Variants in KMT2B observed in about 807,000 individuals in gnomAD.
KMT2B encodes the protein histone-lysine N-methyltransferase 2B.
A neutral mutation model predicts 255.3 loss-of-function variants in KMT2B; 22 were observed. The observed-to-expected ratio is 0.09, with a 90% CI of 0.06 to 0.12. The LOEUF (loss-of-function observed/expected upper bound fraction) is 0.12, where lower values mean the gene tolerates loss of function less well. KMT2B is among the 10% of genes least tolerant of loss of function. KMT2B has a pLI of 1.00. For synonymous variants in KMT2B, 1,730 were observed against 1,498.1 expected (o/e 1.15, Z -3.57); for missense variants, 3,149 against 3,737.0 (o/e 0.84, Z 4.10).
chr19:35,719,691 C>A, intron 2 of KMT2B, 93 bp from the exon 3 acceptor site: 2 of 1,527,344 alleles, frequency 1.3e-6, no homozygotes, highest in Non-Finnish European at 1.8e-6. Context: ...GGGGGAAACA[C>A]ACAAGCAAGA....
chr19:35,734,594 T>G (rs1022396201), intron 30 of KMT2B, among the ~76,000 whole-genome samples: 7 of 152,144 alleles, frequency 4.6e-5, no homozygotes, highest in Non-Finnish European at 7.4e-5. Flanking sequence ...GGTTTTGAAC[T>G]GGTGACCTCT....
Position 35,721,645 on chromosome 19 carries a change from A to G in KMT2B, c.2298A>G (p.Pro766=). 2 of 1,613,492 alleles carry G rather than the reference A, an allele frequency of 1.2e-6. No homozygotes were observed. The highest frequency in any genetic ancestry group is 1.7e-6 in the Non-Finnish European group (2 of 1,179,700). The part of the protein sequence containing the change: ...PQPQLQPPPS[P]QQMPPLEKAR... ...CACAGCTGCAGCCACCGCCGTCACCACAGCAGATGCCTCCCCTGGAAAAAG... is the reference window on the plus strand; with the variant it reads ...CACAGCTGCAGCCACCGCCGTCACCGCAGCAGATGCCTCCCCTGGAAAAAG... Residue 766 remains proline (P), a synonymous_variant, in exon 3 of 37, where the codon CCA becomes CCG. Coordinates refer to ENST00000420124, the MANE Select transcript of KMT2B (RefSeq NM_014727.3).
chr19:35,730,199 C>G, intron 23 of KMT2B, 74 bp downstream of exon 23: 1 of 1,602,954 alleles, frequency 6.2e-7, no homozygotes, highest in Non-Finnish European at 8.5e-7. Flanking sequence ...CCCGTGGCCC[C>G]CAGGCCTGGC....
rs1166708225 is a variant in KMT2B, at chr19:35,728,871, C to G, written c.4669C>G (p.Pro1557Ala). 4 of 1,613,884 alleles carry G rather than the reference C, an allele frequency of 2.5e-6. No homozygotes were observed. ...EPETPESGQP[P>A]GDPSAAFQGK... Reference sequence around the variant, plus strand: ...AGAGACCCCAGAATCAGGGCAGCCTCCAGGGGATCCCTCAGCAGGTACTGG... The same window carrying G: ...AGAGACCCCAGAATCAGGGCAGCCTGCAGGGGATCCCTCAGCAGGTACTGG... The change falls in exon 20 of 37, where the codon CCA (proline) becomes GCA (alanine). Residue 1557 changes from proline to alanine, a missense_variant. Physicochemically the swap from Pro to Ala is conservative, Grantham distance 27. Around this residue, in one of 18 missense-constraint regions of KMT2B, gnomAD observed 377 missense variants for 471.0 expected, o/e 0.80. Transcript: ENST00000420124.
Position 35,721,559 on chromosome 19 carries a change from C to T in KMT2B, c.2212C>T (p.Leu738=), listed in dbSNP as rs1969210185. The T allele has an allele frequency of 1.2e-6, 2 of 1,611,618 alleles. No individual in the cohort carries two copies. Among genetic ancestry groups the T allele is most frequent in the East Asian group, 4.5e-5 (2 of 44,862 alleles). ...CGGGCCACAGACACAGGCTCAGCTA[C>T]TGCAGCCCCTGCAGGCCTTGCAAAC... ...SNGPQTQAQL[L]QPLQALQTQL... is the part of the protein sequence containing the mutation. The change falls in exon 3 of 37, where the codon CTG becomes TTG. Residue 738 remains leucine (L), a synonymous_variant. Coordinates refer to ENST00000420124, the MANE Select transcript of KMT2B (RefSeq NM_014727.3).
chr19:35,718,636 C>T lies in KMT2B; in HGVS notation c.363+255C>T, dbSNP rs1041646521. On this transcript the variant is annotated intron_variant, in intron 1 of 36. Coordinates refer to ENST00000420124, the MANE Select transcript of KMT2B (RefSeq NM_014727.3). This position sits in a 1 kb window ranked among gnomAD's most constrained non-coding sequence, Gnocchi z 5.0. ...TGAAGTGTCTTGGGCCGATCCTTTT[C>T]GGCAGCTGGCAAAGCTAGGGCGGTG... Among the ~76,000 whole-genome samples the T allele has an allele frequency of 1.1e-4, 16 of 152,174 alleles. No homozygotes were observed. The highest frequency in any genetic ancestry group is 3.9e-4 in the Admixed American group (6 of 15,284).
Position 35,727,169 on chromosome 19 carries a change from G to T in KMT2B, c.4017G>T (p.Pro1339=). The change falls in exon 15 of 37, where the codon CCG becomes CCT. Residue 1339 remains proline, a synonymous_variant. Coordinates refer to ENST00000420124, the MANE Select transcript of KMT2B (RefSeq NM_014727.3). The surrounding 1 kb of genome is among the most constrained non-coding windows in gnomAD (Gnocchi z 4.2). ...CCCTTTCTCTAGGAAACTACTGCCC[G>T]ATCTGTACACGCTGCTATGAAGACA... ...TQLYEKGNYC[P]ICTRCYEDND... 1 of 1,612,064 alleles carries T rather than the reference G, an allele frequency of 6.2e-7. No individual in the cohort carries two copies. Among genetic ancestry groups the T allele is most frequent in the African/African-American group, 1.3e-5 (1 of 74,940 alleles).
chr19:35,728,208 G>A (rs1282474656), intron 19 of KMT2B, 37 bp downstream of exon 19: 2 of 1,546,948 alleles, frequency 1.3e-6, no homozygotes, highest in Non-Finnish European at 1.8e-6. Flanking sequence ...AAGCCGGGGA[G>A]TGAGGGCAAG....
At chr19:35,731,806 A>T in intron 26 of KMT2B, 102 bp from the exon 27 acceptor site, 1 of 894,862 alleles carries the variant, frequency 1.1e-6, no homozygotes, top group Non-Finnish European at 1.8e-6. Context: ...TGACTGGGTC[A>T]GGGTCGGGGA....
rs775819410 is a variant in KMT2B, at chr19:35,719,572, C to T, written c.436+31C>T. 4 of 1,567,024 alleles carry T rather than the reference C, an allele frequency of 2.6e-6. No individual in the cohort carries two copies. The South Asian group carries it at 3.5e-5, about 14-fold the overall frequency. ...TGACGGGGGAACTCCACCTCTTTAG[C>T]GTCACAGGAATTTATCCTCGCCCTT... On this transcript the variant is annotated intron_variant, in intron 2 of 36. Coordinates refer to ENST00000420124, the MANE Select transcript of KMT2B (RefSeq NM_014727.3).
Position 35,721,608 on chromosome 19 carries a change from C to T in KMT2B, c.2261C>T (p.Pro754Leu), listed in dbSNP as rs179686. The T allele has an allele frequency of 6.0e-4, 971 of 1,612,284 alleles. 5 individuals are homozygous for T. The African/African-American group carries it at 0.01, about 17-fold the overall frequency. Residue 754 changes from proline to leucine, a missense_variant, in exon 3 of 37, where the codon CCG becomes CTG. By Grantham distance (98) the Pro-to-Leu change is moderately conservative. Coordinates refer to ENST00000420124, the MANE Select transcript of KMT2B (RefSeq NM_014727.3). ...ACCCAGCTCCTGCCCCAGGCACTACCGCCACCACAGCCACAGCTGCAGCCA... is the reference window on the plus strand; with the variant it reads ...ACCCAGCTCCTGCCCCAGGCACTACTGCCACCACAGCCACAGCTGCAGCCA... ...LQTQLLPQAL[P>L]PPQPQLQPPP...
Position 35,723,838 on chromosome 19 carries a change from G to A in KMT2B, c.3165G>A (p.Arg1055=). 1 of 1,600,844 alleles carries A rather than the reference G, an allele frequency of 6.2e-7. No individual in the cohort carries two copies. The highest frequency in any genetic ancestry group is 8.5e-7 in the Non-Finnish European group (1 of 1,173,690). The change falls in exon 8 of 37, where the codon CGG becomes CGA. Residue 1055 remains arginine, a synonymous_variant. Coordinates refer to ENST00000420124, the MANE Select transcript of KMT2B (RefSeq NM_014727.3). This position sits in a 1 kb window ranked among gnomAD's most constrained non-coding sequence, Gnocchi z 7.5. ...GGGGGGCGGGAGCTGGGGGGCCCCGGGAGGAGGTGGTGGCCCACCCAGGGC... is the reference window on the plus strand; with the variant it reads ...GGGGGGCGGGAGCTGGGGGGCCCCGAGAGGAGGTGGTGGCCCACCCAGGGC... ...PRRGAGAGGP[R]EEVVAHPGPE... is the part of the protein sequence containing the mutation.
chr19:35,722,923 G>T, intron 5 of KMT2B, 72 bp from the exon 6 acceptor site: 3 of 1,460,036 alleles, frequency 2.1e-6, no homozygotes, highest in Non-Finnish European at 1.8e-6. Context: ...CAGGTTGTGG[G>T]AAAGCAGGGA....
rs752422705 is a variant in KMT2B, at chr19:35,729,145, C to T, written c.4780-14C>T. On this transcript the variant is annotated splice_polypyrimidine_tract_variant and intron_variant, in intron 21 of 36. Transcript: ENST00000420124. Reference sequence around the variant, plus strand: ...CTGGCCTCCCCACATCATGCCACTCCTCTTCTGCCCCAGGAGGCGGGGCGG... The same window carrying T: ...CTGGCCTCCCCACATCATGCCACTCTTCTTCTGCCCCAGGAGGCGGGGCGG... 25 of 1,613,886 alleles carry T rather than the reference C, an allele frequency of 1.5e-5. No homozygotes were observed. In the East Asian group the frequency reaches 4.9e-4, roughly 32 times the overall value.
chr19:35,720,805 G>A lies in KMT2B; in HGVS notation c.1458G>A (p.Arg486=). ...AGCGGGCGGAGCGGGAAGCTGCTCGGGCAGGGCCAGAGGGCACCTCTCCTC... is the reference window on the plus strand; with the variant it reads ...AGCGGGCGGAGCGGGAAGCTGCTCGAGCAGGGCCAGAGGGCACCTCTCCTC... ...PSQRAEREAA[R]AGPEGTSPPT... Residue 486 remains arginine, a synonymous_variant, in exon 3 of 37, where the codon CGG becomes CGA. Coordinates refer to ENST00000420124, the MANE Select transcript of KMT2B (RefSeq NM_014727.3). 6.6e-7 allele frequency: 1 copy of A among 1,509,364 alleles called. No homozygotes were observed. The highest frequency in any genetic ancestry group is 8.9e-7 in the Non-Finnish European group (1 of 1,124,548). 93.5% of individuals were successfully genotyped at this position (1,509,364 alleles called of 1,614,324 possible).
At position 35,721,136 on chromosome 19, in the gene KMT2B, C is replaced by A. The variant is rs920292369; in HGVS notation, c.1789C>A (p.Pro597Thr). 2.5e-6 allele frequency: 4 copies of A among 1,605,462 alleles called. No homozygotes were observed. Among genetic ancestry groups the A allele is most frequent in the Non-Finnish European group, 3.4e-6 (4 of 1,176,632 alleles). ...PTPPSTPVPL[P>T]EKRRSILREP... ...TCCTCCATCTACCCCAGTTCCACTC[C>A]CTGAGAAGAGACGGTCCATCCTAAG... Residue 597 changes from proline to threonine, a missense_variant, in exon 3 of 37, where the codon CCT (proline) becomes ACT (threonine). By Grantham distance (38) the Pro-to-Thr change is conservative. This residue lies in a region of KMT2B where 1,188 missense variants were observed against 1,106.4 expected (regional missense o/e 1.07). Coordinates refer to ENST00000420124, the MANE Select transcript of KMT2B (RefSeq NM_014727.3).
rs764029479 is a variant in KMT2B at position 35,727,997 on chromosome 19, C to G, written c.4497+12C>G. The G allele has an allele frequency of 6.4e-7, 1 of 1,552,930 alleles. No homozygotes were observed. The highest frequency in any genetic ancestry group is 8.7e-7 in the Non-Finnish European group (1 of 1,146,236). On this transcript the variant is annotated intron_variant, in intron 18 of 36. Transcript: ENST00000420124. This position sits in a 1 kb window ranked among gnomAD's most constrained non-coding sequence, Gnocchi z 4.2. ...GGCTCCTGCTGAAGGTGAGCTCTTC[C>G]GGGGATGCTTGTGGGGTGGGGGAGT...
chr19:35,728,771 C>T lies in KMT2B; in HGVS notation c.4572-3C>T, dbSNP rs1437149341. Reference sequence around the variant, plus strand: ...ATCAGCTGCTAACCCTGCCTGTCCACAGCGGAGTCCTTCCCAATGCGGTGT... The same window carrying T: ...ATCAGCTGCTAACCCTGCCTGTCCATAGCGGAGTCCTTCCCAATGCGGTGT... On this transcript the variant is annotated splice_region_variant and splice_polypyrimidine_tract_variant and intron_variant, in intron 19 of 36. Transcript: ENST00000420124. The T allele has an allele frequency of 1.9e-6, 3 of 1,612,936 alleles. No individual in the cohort carries two copies. The highest frequency in any genetic ancestry group is 1.1e-5 in the South Asian group (1 of 91,066).
In KMT2B at chr19:35,738,168, C is replaced by T; in HGVS notation, c.7849C>T (p.Arg2617Trp). Residue 2617 changes from arginine (R) to tryptophan (W), a missense_variant, in exon 36 of 37, where the codon CGG (arginine) becomes TGG (tryptophan). Arg to Trp is a moderately radical substitution (Grantham distance 101). This residue lies in a region of KMT2B where 56 missense variants were observed against 238.8 expected (regional missense o/e 0.23). Coordinates refer to ENST00000420124, the MANE Select transcript of KMT2B (RefSeq NM_014727.3). The surrounding 1 kb of genome is among the most constrained non-coding windows in gnomAD (Gnocchi z 8.7). ...IVIRSVLTDK[R>W]EKFYDGKGIG... is the part of the protein sequence containing the mutation. ...CATCCGCTCGGTGTTGACTGACAAG[C>T]GGGAGAAGTTCTACGATGGGAAGGT... 1 of 1,613,760 alleles carries T rather than the reference C, an allele frequency of 6.2e-7. No homozygotes were observed.
Sources: gnomAD v4.1 joint callset for allele counts (sites outside exome capture counted in the v4.1 genomes callset) on GRCh38, gnomAD v4.1.1 for gene constraint, gnomAD v4.1.1 regional missense constraint, Gnocchi (gnomAD v3.1) non-coding constraint, MANE v1.5 for transcripts, NCBI Gene and HGNC (gene_info 2026-07-23, HGNC 2026-07-21) for gene names.